MRPS27: variants seen among roughly 807,000 people sequenced by gnomAD.
MRPS27 encodes the protein mitochondrial ribosomal protein S27.
Under a neutral mutation model 48.9 loss-of-function variants are expected in MRPS27, and 43 were observed. The ratio of observed to expected loss-of-function variants is 0.88; its 90% CI spans 0.69 to 1.13. The LOEUF (loss-of-function observed/expected upper bound fraction) is 1.13, where lower values mean the gene tolerates loss of function less well. Among genes scored for constraint, MRPS27 ranks in the 50% most tolerant of loss-of-function variants. The pLI is 0.00. For missense variants in MRPS27, 467 were observed against 476.3 expected (o/e 0.98, Z 0.18); for synonymous variants, 188 against 171.9 (o/e 1.09, Z -0.73).
Position 72,226,207 on chromosome 5 carries a change from C to T in MRPS27, c.695-8G>A, listed in dbSNP as rs1747891395. 1 of 1,613,216 alleles carries T rather than the reference C, an allele frequency of 6.2e-7. No homozygotes were observed. Among genetic ancestry groups the T allele is most frequent in the Non-Finnish European group, 8.5e-7 (1 of 1,179,452 alleles). ...GCTGCAACTCCACCTTCCCTGTGGCCAAAAAGAACAATAAAGAATGCTCAG... is the reference window on the plus strand; with the variant it reads ...GCTGCAACTCCACCTTCCCTGTGGCTAAAAAGAACAATAAAGAATGCTCAG... On this transcript the variant is annotated splice_polypyrimidine_tract_variant and splice_region_variant and intron_variant, in intron 8 of 10. Coordinates refer to ENST00000261413, the MANE Select transcript of MRPS27 (RefSeq NM_015084.3).
rs57589095 is a variant in MRPS27 at position 72,242,665 on chromosome 5, T to TACACACACACACACACACACAC, written c.282-4559_282-4538dup. On this transcript the variant is annotated intron_variant, in intron 4 of 10. Coordinates refer to ENST00000261413, the MANE Select transcript of MRPS27 (RefSeq NM_015084.3). Reference sequence around the variant, plus strand: ...CTAGGCAACACAGCGAGACCCCGTCTACACACACACACACACACACACACA... The same window carrying TACACACACACACACACACACAC: ...CTAGGCAACACAGCGAGACCCCGTCTACACACACACACACACACACACACACACACACACACACACACACACA... 2.9e-3 allele frequency among the ~76,000 whole-genome samples: 388 copies of TACACACACACACACACACACAC among 134,278 alleles called. 4 individuals are homozygous for TACACACACACACACACACACAC. Among genetic ancestry groups the TACACACACACACACACACACAC allele is most frequent in the African/African-American group, 9.7e-3 (326 of 33,626 alleles). The allele number at this position is 134,278 out of a possible 152,430, so 88.1% of individuals were successfully genotyped here. A position where few individuals can be genotyped will look rare whatever the true frequency, so the allele number is the denominator to read the frequency against.
chr5:72,282,396 C>G (rs1435740028), intron 4 of MRPS27, among the ~76,000 whole-genome samples: 2 of 152,128 alleles, frequency 1.3e-5, no homozygotes, highest in Non-Finnish European at 2.9e-5. Context: ...TAAAACCCTA[C>G]TGAAGTAGGG....
At chr5:72,246,489 A>G (rs535794335) in intron 4 of MRPS27, among the ~76,000 whole-genome samples, 1 of 152,328 alleles carries the variant, frequency 6.6e-6, no homozygotes, top group Admixed American at 6.5e-5. Flanking sequence ...TTGAGGACAG[A>G]AGCCAGAGTA....
intron 2 of MRPS27, among the ~76,000 whole-genome samples, chr5:72,306,906 C>T (rs1750284333): frequency 6.6e-6 from 1 of 152,140 alleles, no homozygotes; most frequent in Non-Finnish European, 1.5e-5. Flanking sequence ...GGTGACAGTA[C>T]ACAGGGGTTT....
intron 4 of MRPS27, among the ~76,000 whole-genome samples, chr5:72,273,819 G>T (rs1008297557): frequency 6.6e-6 from 1 of 152,096 alleles, no homozygotes; most frequent in Non-Finnish European, 1.5e-5. Flanking sequence ...CAACGTTTAG[G>T]CTACACTAAA....
intron 4 of MRPS27, among the ~76,000 whole-genome samples, chr5:72,246,069 G>C (rs572143231): frequency 1.1e-4 from 17 of 152,236 alleles, no homozygotes; most frequent in African/African-American, 4.1e-4. Flanking sequence ...AAAGGCAGGG[G>C]ACAAGTTATC....
At chr5:72,238,873 C>T (rs1375847959) in intron 4 of MRPS27, among the ~76,000 whole-genome samples, 1 of 152,210 alleles carries the variant, frequency 6.6e-6, no homozygotes, top group East Asian at 1.9e-4. Context: ...TTAGTTCACG[C>T]ACATTGCTAA....
intron 4 of MRPS27, among the ~76,000 whole-genome samples, chr5:72,262,668 G>C (rs990945743): frequency 5.3e-5 from 8 of 152,256 alleles, no homozygotes; most frequent in Admixed American, 2.6e-4. Flanking sequence ...CAGAAAAAAA[G>C]GGGGAGAGAG....
chr5:72,251,372 C>A (rs1049917014), intron 4 of MRPS27, among the ~76,000 whole-genome samples: 1 of 152,268 alleles, frequency 6.6e-6, no homozygotes, highest in South Asian at 2.1e-4. Context: ...AAAGTTTTGC[C>A]AGTCAGGCTG....
intron 4 of MRPS27, among the ~76,000 whole-genome samples, chr5:72,289,449 T>A (rs984148960): frequency 9.3e-5 from 14 of 151,202 alleles, no homozygotes; most frequent in African/African-American, 3.2e-4. Flanking sequence ...GAGACAGGGG[T>A]CTCACTCTGT....
At chr5:72,252,414 C>CT (rs1388371810) in intron 4 of MRPS27, among the ~76,000 whole-genome samples, 1 of 152,086 alleles carries the variant, frequency 6.6e-6, no homozygotes, top group East Asian at 1.9e-4. Context: ...TGTGAAAAAT[C>CT]TTTAACTGTG....
At chr5:72,298,268 T>C (rs115234566) in intron 2 of MRPS27, among the ~76,000 whole-genome samples, 1 of 151,552 alleles carries the variant, frequency 6.6e-6, no homozygotes, top group Non-Finnish European at 1.5e-5. Context: ...TCAACCAACA[T>C]AGGAAAAAAA....
chr5:72,226,559 T>G (rs1747905099), intron 8 of MRPS27, among the ~76,000 whole-genome samples: 1 of 152,274 alleles, frequency 6.6e-6, no homozygotes, highest in Middle Eastern at 3.4e-3. Flanking sequence ...GATACAATTT[T>G]TGTTTCAAGA....
At chr5:72,311,548 G>C (rs2112087943) in intron 2 of MRPS27, among the ~76,000 whole-genome samples, 2 of 152,280 alleles carry the variant, frequency 1.3e-5, no homozygotes, top group East Asian at 3.9e-4. Context: ...GGATTGATGG[G>C]TTATCACGGA....
chr5:72,235,299 G>C (rs1377113886), intron 5 of MRPS27, among the ~76,000 whole-genome samples: 2 of 152,012 alleles, frequency 1.3e-5, no homozygotes, highest in African/African-American at 4.8e-5. Context: ...GAAATCAACT[G>C]GTCAGTGATT....
chr5:72,247,214 G>A (rs1276822908), intron 4 of MRPS27, among the ~76,000 whole-genome samples: 1 of 152,164 alleles, frequency 6.6e-6, no homozygotes, highest in African/African-American at 2.4e-5. Flanking sequence ...TCATTATACT[G>A]TTTATAAAAA....
At chr5:72,266,212 C>G (rs1009097482) in intron 4 of MRPS27, among the ~76,000 whole-genome samples, 1 of 152,156 alleles carries the variant, frequency 6.6e-6, no homozygotes, top group African/African-American at 2.4e-5. Flanking sequence ...AGATATGCAG[C>G]AGTCCCTTTA....
In MRPS27 at chr5:72,237,883, A is replaced by C. The variant is rs1273812485; in HGVS notation, c.396+131T>G. 4 of 619,090 alleles carry C rather than the reference A, an allele frequency of 6.5e-6. No homozygotes were observed. In the East Asian group the frequency reaches 1.1e-4, roughly 17 times the overall value. 38.3% of individuals were successfully genotyped at this position (619,090 alleles called of 1,614,324 possible). On this transcript the variant is annotated intron_variant, in intron 5 of 10. Coordinates refer to ENST00000261413, the MANE Select transcript of MRPS27 (RefSeq NM_015084.3). ...ACTTATACCCAGCTCCATTCTGTTAATAAGAATATTTGAGGCCAAATAATT... is the reference window on the plus strand; with the variant it reads ...ACTTATACCCAGCTCCATTCTGTTACTAAGAATATTTGAGGCCAAATAATT...
At chr5:72,231,567 G>C (rs1748066847) in intron 7 of MRPS27, among the ~76,000 whole-genome samples, 1 of 152,096 alleles carries the variant, frequency 6.6e-6, no homozygotes, top group African/African-American at 2.4e-5. Context: ...CCAATGTATG[G>C]AATTTGTATG....
Sources: allele counts gnomAD v4.1 joint callset (sites outside exome capture counted in the v4.1 genomes callset), GRCh38; gene constraint gnomAD v4.1.1; transcripts MANE v1.5; gene names NCBI Gene and HGNC (gene_info 2026-07-23, HGNC 2026-07-21).